The following CERS3 variants were observed in gnomAD, a reference collection of about 807,000 sequenced individuals.
CERS3 encodes LAG1 homolog, ceramide synthase 3.
A neutral mutation model predicts 50.3 loss-of-function variants in CERS3; 33 were observed. That is an observed-to-expected ratio of 0.66 (90% CI 0.50 to 0.88). The LOEUF is 0.88. CERS3 is among the 40% of genes least tolerant of loss of function. The pLI is 0.00. For synonymous variants in CERS3, 176 were observed against 155.2 expected, an observed-to-expected ratio of 1.13 and a Z score of -0.99; for missense variants, 470 against 460.3, an observed-to-expected ratio of 1.02 and a Z score of -0.19.
chr15:100,537,061 C>T (rs1403852938), intron 1 of CERS3, among the ~76,000 whole-genome samples: 1 of 152,208 alleles, frequency 6.6e-6, no homozygotes, highest in African/African-American at 2.4e-5. Flanking sequence ...ATTCTACCAC[C>T]TATCCCATAT....
chr15:100,466,868 T>TCTCTTTCTCTCTTTCC, intron 10 of CERS3, among the ~76,000 whole-genome samples: 1 of 147,636 alleles, frequency 6.8e-6, no homozygotes, highest in Non-Finnish European at 1.5e-5. Context: ...TCTTTCTTTC[T>TCTCTTTCTCTCTTTCC]TTCTTGATGG....
intron 10 of CERS3, among the ~76,000 whole-genome samples, chr15:100,465,697 C>A (rs2034690214): frequency 6.8e-6 from 1 of 146,284 alleles, no homozygotes; most frequent in African/African-American, 2.6e-5. Context: ...TCACTCTTGT[C>A]ACCCAGGCTG....
intron 11 of CERS3, among the ~76,000 whole-genome samples, chr15:100,420,027 A>C (rs1268680915): frequency 7.0e-6 from 1 of 143,108 alleles, no homozygotes; most frequent in East Asian, 2.0e-4. Context: ...AAGAACTAGA[A>C]AAGCAAGAGC....
intron 11 of CERS3, among the ~76,000 whole-genome samples, chr15:100,415,834 C>T (rs911011964): frequency 6.6e-6 from 1 of 151,974 alleles, no homozygotes; most frequent in Non-Finnish European, 1.5e-5. Context: ...GGACAAATAC[C>T]TAATGTATGT....
Position 100,455,992 on chromosome 15 carries a change from T to C in CERS3, c.900A>G (p.Ser300=), listed in dbSNP as rs973698932. 4.3e-6 allele frequency: 7 copies of C among 1,613,212 alleles called. No homozygotes were observed. Among genetic ancestry groups the C allele is most frequent in the Non-Finnish European group, 8.5e-7 (1 of 1,179,584 alleles). The change falls in exon 11 of 12, where the codon TCA becomes TCG. Residue 300 remains serine (S), a synonymous_variant. Coordinates refer to ENST00000679737, the MANE Select transcript of CERS3 (RefSeq NM_001378789.1). The part of the protein sequence containing the change: ...LPMYHLEPFF[S]YIFLNLQLMI... ...TGAGCTGTAGGTTGAGGAAGATGTATGAAAAGAAAGGCTCGAGGTGATACA... is the reference window on the plus strand; with the variant it reads ...TGAGCTGTAGGTTGAGGAAGATGTACGAAAAGAAAGGCTCGAGGTGATACA...
At chr15:100,496,737 T>C (rs2035826818) in intron 3 of CERS3, among the ~76,000 whole-genome samples, 1 of 152,202 alleles carries the variant, frequency 6.6e-6, no homozygotes, top group Admixed American at 6.5e-5. Context: ...CTGACAAAGG[T>C]ACTATCTTCT....
At chr15:100,425,556 A>C (rs2032759884) in intron 11 of CERS3, among the ~76,000 whole-genome samples, 1 of 152,154 alleles carries the variant, frequency 6.6e-6, no homozygotes, top group Non-Finnish European at 1.5e-5. Context: ...TTGGAAAGGG[A>C]GTATTTACCC....
intron 11 of CERS3, among the ~76,000 whole-genome samples, chr15:100,405,472 T>C (rs992882537): frequency 6.6e-6 from 1 of 152,062 alleles, no homozygotes; most frequent in Non-Finnish European, 1.5e-5. Context: ...CGCAAAACAA[T>C]TGGAACACCC....
At chr15:100,453,368 T>C (rs1450802539) in intron 11 of CERS3, among the ~76,000 whole-genome samples, 1 of 152,188 alleles carries the variant, frequency 6.6e-6, no homozygotes, top group Non-Finnish European at 1.5e-5. Context: ...AAAAATGTGA[T>C]ACATTACATC....
At chr15:100,465,935 A>G (rs1297576273) in intron 10 of CERS3, among the ~76,000 whole-genome samples, 1 of 152,216 alleles carries the variant, frequency 6.6e-6, no homozygotes, top group Non-Finnish European at 1.5e-5. Context: ...CTGGGATTAC[A>G]GGCGTGAGCT....
chr15:100,489,186 A>C (rs188848208), intron 4 of CERS3, among the ~76,000 whole-genome samples: 1 of 152,204 alleles, frequency 6.6e-6, no homozygotes, highest in Non-Finnish European at 1.5e-5. Context: ...ACCAGTCTTT[A>C]AAATATATTT....
At chr15:100,521,141 C>T (rs932438605) in intron 2 of CERS3, among the ~76,000 whole-genome samples, 6 of 152,166 alleles carry the variant, frequency 3.9e-5, no homozygotes, top group African/African-American at 1.4e-4. Flanking sequence ...AAGTGCAACT[C>T]CTCCCCTCTA....
intron 10 of CERS3, among the ~76,000 whole-genome samples, chr15:100,458,599 A>G (rs1264734866): frequency 1.3e-5 from 2 of 151,890 alleles, no homozygotes; most frequent in African/African-American, 4.8e-5. Context: ...AAAAAAAAAA[A>G]AGATGTAATA....
chr15:100,462,836 CA>C (rs1239696421), intron 10 of CERS3, among the ~76,000 whole-genome samples: 1 of 152,136 alleles, frequency 6.6e-6, no homozygotes, highest in Non-Finnish European at 1.5e-5. Context: ...CCCACACAGT[CA>C]GGGGGAAAAG....
intron 5 of CERS3, among the ~76,000 whole-genome samples, chr15:100,483,850 G>A (rs942051664): frequency 7.1e-6 from 1 of 140,360 alleles, no homozygotes; most frequent in African/African-American, 2.7e-5. Context: ...GCGGGATCTC[G>A]GCTCACTGCA....
At chr15:100,433,747 G>A (rs892354631) in intron 11 of CERS3, among the ~76,000 whole-genome samples, 1 of 152,160 alleles carries the variant, frequency 6.6e-6, no homozygotes, top group African/African-American at 2.4e-5. Flanking sequence ...ACCTATACAT[G>A]CACACACAAA....
chr15:100,402,364 C>T lies in CERS3; in HGVS notation c.*349G>A, dbSNP rs1231292350. 2 of 192,778 alleles carry T rather than the reference C, an allele frequency of 1.0e-5. No individual in the cohort carries two copies. The highest frequency in any genetic ancestry group is 2.3e-5 in the African/African-American group (1 of 42,728). 11.9% of individuals were successfully genotyped at this position (192,778 alleles called of 1,614,324 possible). On this transcript the variant is annotated 3_prime_UTR_variant, in exon 12 of 12. Coordinates refer to ENST00000679737, the MANE Select transcript of CERS3 (RefSeq NM_001378789.1). Reference sequence around the variant, plus strand: ...TGAGATCACTTAGCACCTGTGAAAGCGTCCTGAGGACAGGCAAGGTGGCGA... The same window carrying T: ...TGAGATCACTTAGCACCTGTGAAAGTGTCCTGAGGACAGGCAAGGTGGCGA...
intron 11 of CERS3, among the ~76,000 whole-genome samples, chr15:100,408,110 G>A (rs2031203491): frequency 1.3e-5 from 2 of 152,110 alleles, no homozygotes; most frequent in South Asian, 4.1e-4. Context: ...GACCTCAAGT[G>A]ATCCACCCAC....
intron 11 of CERS3, among the ~76,000 whole-genome samples, chr15:100,414,566 G>C (rs1452780383): frequency 7.9e-5 from 12 of 152,058 alleles, no homozygotes; most frequent in Non-Finnish European, 1.8e-4. Context: ...GCACGGTACT[G>C]GTACCAAAAC....
Sources: allele counts gnomAD v4.1 joint callset (sites outside exome capture counted in the v4.1 genomes callset), GRCh38; gene constraint gnomAD v4.1.1; transcripts MANE v1.5; gene names NCBI Gene and HGNC (gene_info 2026-07-23, HGNC 2026-07-21).